The following KCNMA1 variants were observed in gnomAD, a reference collection of about 807,000 sequenced individuals.
The protein encoded by KCNMA1 is Calcium-activated potassium channel subunit alpha-1.
Under a neutral mutation model 140.0 loss-of-function variants are expected in KCNMA1, and 29 were observed. The ratio of observed to expected loss-of-function variants is 0.21; its 90% CI spans 0.15 to 0.28. KCNMA1 has a LOEUF of 0.28. Ranked by LOEUF, KCNMA1 falls within the 10% of genes least tolerant of loss-of-function variation. The pLI, the probability that KCNMA1 is intolerant of heterozygous loss-of-function variation, is 1.00. For synonymous variants in KCNMA1, 612 were observed against 611.9 expected, an observed-to-expected ratio of 1.00 and a Z score of 0.00; for missense variants, 880 against 1,602.2, an observed-to-expected ratio of 0.55 and a Z score of 7.70.
At chr10:77,506,590 A>AGT (rs1252068587) in intron 1 of KCNMA1, among the ~76,000 whole-genome samples, 8 of 92,826 alleles carry the variant, frequency 8.6e-5, no homozygotes, top group African/African-American at 4.2e-4. Context: ...AGAGAGAGAG[A>AGT]GAGAGAGTGT....
At chr10:77,588,762 G>C (rs963001702) in intron 1 of KCNMA1, among the ~76,000 whole-genome samples, 2 of 152,230 alleles carry the variant, frequency 1.3e-5, no homozygotes, top group African/African-American at 4.8e-5. Context: ...GGAAACCTGG[G>C]GAAGCCAGAA....
intron 2 of KCNMA1, among the ~76,000 whole-genome samples, chr10:77,363,746 T>G (rs1603418916): frequency 6.6e-6 from 1 of 152,146 alleles, no homozygotes; most frequent in Non-Finnish European, 1.5e-5. Context: ...TAGTGAGACA[T>G]ACACTCCTCC....
rs1191314213 is a variant in KCNMA1 at position 77,572,568 on chromosome 10, C to CTAT, written c.378+64696_378+64697insATA. ...CTGTCGCTCCAAAAAAAAAAAAAAT[C>CTAT]CATATATATATATATATATATATAT... On this transcript the variant is annotated intron_variant, in intron 1 of 27. Coordinates refer to ENST00000286628, the MANE Select transcript of KCNMA1 (RefSeq NM_001161352.2). Among the ~76,000 whole-genome samples the CTAT allele has an allele frequency of 4.8e-3, 93 of 19,214 alleles. 2 individuals are homozygous for CTAT. Among genetic ancestry groups the CTAT allele is most frequent in the African/African-American group, 0.02 (88 of 4,368 alleles). The allele number at this position is 19,214 out of a possible 152,430, so 12.6% of individuals were successfully genotyped here.
intron 24 of KCNMA1, chr10:76,913,849 T>A (rs1564869931): frequency 1.8e-6 from 1 of 557,638 alleles, no homozygotes; most frequent in Non-Finnish European, 3.2e-6. Context: ...AAAGGTTTAC[T>A]GATGCTGTGT....
intron 1 of KCNMA1, among the ~76,000 whole-genome samples, chr10:77,621,525 C>A (rs1487480729): frequency 1.4e-4 from 9 of 63,744 alleles, no homozygotes; most frequent in African/African-American, 9.2e-4. Context: ...CGTACATGTA[C>A]ACACACACAC....
At chr10:77,179,408 A>G (rs1400115968) in intron 5 of KCNMA1, among the ~76,000 whole-genome samples, 1 of 152,152 alleles carries the variant, frequency 6.6e-6, no homozygotes. Flanking sequence ...ACACCAGGCT[A>G]GCTCTGCATT....
intron 1 of KCNMA1, among the ~76,000 whole-genome samples, chr10:77,438,227 A>T (rs2097303842): frequency 6.6e-6 from 1 of 151,950 alleles, no homozygotes; most frequent in Non-Finnish European, 1.5e-5. Context: ...CCAGAAGAAA[A>T]CTAGACTTTC....
intron 1 of KCNMA1, among the ~76,000 whole-genome samples, chr10:77,550,317 C>G (rs1001426567): frequency 3.3e-4 from 50 of 152,184 alleles, no homozygotes; most frequent in Admixed American, 6.5e-5. Flanking sequence ...TCTCTCCCAG[C>G]ACCTGCTGGG....
At chr10:77,044,291 T>C (rs1274098746) in intron 14 of KCNMA1, among the ~76,000 whole-genome samples, 1 of 152,120 alleles carries the variant, frequency 6.6e-6, no homozygotes, top group Non-Finnish European at 1.5e-5. Flanking sequence ...TTTGACTTAC[T>C]TTGGAAAAGC....
At chr10:77,349,540 GGTGA>G (rs1398173759) in intron 2 of KCNMA1, among the ~76,000 whole-genome samples, 1 of 152,158 alleles carries the variant, frequency 6.6e-6, no homozygotes, top group African/African-American at 2.4e-5. Flanking sequence ...CAACCCACTG[GGTGA>G]GTAAGCAGGG....
At chr10:77,050,061 A>G (rs2095298631) in intron 14 of KCNMA1, among the ~76,000 whole-genome samples, 1 of 152,110 alleles carries the variant, frequency 6.6e-6, no homozygotes, top group Non-Finnish European at 1.5e-5. Context: ...TTCCTCTGGG[A>G]GAGGAAGCCC....
intron 1 of KCNMA1, among the ~76,000 whole-genome samples, chr10:77,531,202 C>A (rs558723342): frequency 6.6e-6 from 1 of 152,182 alleles, no homozygotes; most frequent in Non-Finnish European, 1.5e-5. Context: ...TTGTAAGCAT[C>A]CAGCTTGTCT....
downstream of KCNMA1, among the ~76,000 whole-genome samples, chr10:76,880,148 T>C (rs2034029224): frequency 6.6e-6 from 1 of 152,236 alleles, no homozygotes; most frequent in Non-Finnish European, 1.5e-5. Flanking sequence ...TTACAACTGC[T>C]GAAGAGAATA....
intron 1 of KCNMA1, among the ~76,000 whole-genome samples, chr10:77,573,274 G>A (rs1331215214): frequency 2.0e-5 from 3 of 152,208 alleles, no homozygotes; most frequent in Non-Finnish European, 2.9e-5. Context: ...AGAGAGCCCA[G>A]TGGGCCTCCC....
chr10:77,605,680 T>C (rs1221863055), intron 1 of KCNMA1, among the ~76,000 whole-genome samples: 6 of 151,906 alleles, frequency 3.9e-5, no homozygotes, highest in Admixed American at 3.9e-4. Context: ...TTGAGGGAGG[T>C]GACAGGGCGC....
intron 2 of KCNMA1, among the ~76,000 whole-genome samples, chr10:77,291,373 T>C (rs2073176621): frequency 6.6e-6 from 1 of 151,768 alleles, no homozygotes; most frequent in Non-Finnish European, 1.5e-5. Flanking sequence ...CATGCAAAAC[T>C]CCAGGGATGA....
intron 5 of KCNMA1, among the ~76,000 whole-genome samples, chr10:77,131,374 G>A (rs1337475309): frequency 6.6e-6 from 1 of 152,024 alleles, no homozygotes. Flanking sequence ...GGGAGGCTGA[G>A]CAAGACTCCA....
chr10:76,998,098 T>A (rs1430619773), intron 19 of KCNMA1, among the ~76,000 whole-genome samples: 2 of 152,156 alleles, frequency 1.3e-5, no homozygotes, highest in Non-Finnish European at 2.9e-5. Context: ...AAGACAACTA[T>A]CATAATAGCA....
chr10:77,523,625 T>A (rs1442492658), intron 1 of KCNMA1, among the ~76,000 whole-genome samples: 2 of 152,394 alleles, frequency 1.3e-5, no homozygotes, highest in African/African-American at 4.8e-5. Context: ...AAAGCAGCTA[T>A]GTTTCTTGAT....
Sources: gnomAD v4.1 joint callset for allele counts (sites outside exome capture counted in the v4.1 genomes callset) on GRCh38, gnomAD v4.1.1 for gene constraint, MANE v1.5 for transcripts, NCBI Gene and HGNC (gene_info 2026-07-23, HGNC 2026-07-21) for gene names.